The following CNTN5 variants were observed in gnomAD, a reference collection of about 807,000 sequenced individuals.
The protein encoded by CNTN5 is contactin-5.
In CNTN5, 77 loss-of-function variants were observed where a neutral mutation model predicts 129.1. That is an observed-to-expected ratio of 0.60 (90% CI 0.50 to 0.72). The LOEUF (loss-of-function observed/expected upper bound fraction) is 0.72. CNTN5 is among the 30% of genes least tolerant of loss of function. The probability of loss-of-function intolerance (pLI) is 0.00; values close to 1 mark genes in which losing one functional copy is unlikely to be tolerated. For missense variants in CNTN5, 1,478 were observed against 1,328.8 expected (o/e 1.11, Z -1.75); for synonymous variants, 509 against 465.6 (o/e 1.09, Z -1.20).
At chr11:99,795,588 C>CT (rs35521565) in intron 3 of CNTN5, among the ~76,000 whole-genome samples, 25,373 of 143,066 alleles carry the variant, frequency 0.18, 3,360 homozygotes, top group African/African-American at 0.38. Flanking sequence ...TCCTTTAGAT[C>CT]TTTTTTTTTT....
intron 1 of CNTN5, among the ~76,000 whole-genome samples, chr11:99,197,865 A>G (rs1233556616): frequency 6.6e-6 from 1 of 152,146 alleles, no homozygotes; most frequent in Non-Finnish European, 1.5e-5. Flanking sequence ...AACAGTAGAG[A>G]TAATTATAAA....
intron 1 of CNTN5, among the ~76,000 whole-genome samples, chr11:99,115,973 AAT>A (rs1371079349): frequency 6.6e-6 from 1 of 152,182 alleles, no homozygotes; most frequent in African/African-American, 2.4e-5. Context: ...TTGGTGAAAA[AAT>A]ATGTTTCTGA....
At chr11:99,044,355 C>T (rs550016933) in intron 1 of CNTN5, among the ~76,000 whole-genome samples, 3 of 152,196 alleles carry the variant, frequency 2.0e-5, no homozygotes, top group South Asian at 2.1e-4. Context: ...TATTTTGGTA[C>T]GAAAATGTGA....
chr11:100,031,411 C>T (rs570374118), intron 9 of CNTN5, among the ~76,000 whole-genome samples: 1 of 152,204 alleles, frequency 6.6e-6, no homozygotes, highest in South Asian at 2.1e-4. Context: ...CCCAGAAAAG[C>T]AGATGTTCAT....
chr11:100,332,420 G>T (rs1409842948), intron 21 of CNTN5, among the ~76,000 whole-genome samples: 40 of 152,110 alleles, frequency 2.6e-4, no homozygotes, highest in Admixed American at 2.6e-3. Flanking sequence ...AGAAGAATTG[G>T]TACCAATTCT....
chr11:99,425,158 G>T (rs916212528), intron 2 of CNTN5, among the ~76,000 whole-genome samples: 2 of 152,134 alleles, frequency 1.3e-5, no homozygotes, highest in Non-Finnish European at 2.9e-5. Context: ...GAGCTCCTAA[G>T]GGAAAAATTG....
At chr11:99,102,404 C>T (rs12270703) in intron 1 of CNTN5, among the ~76,000 whole-genome samples, 71,681 of 151,930 alleles carry the variant, frequency 0.47, 17,103 homozygotes, top group East Asian at 0.6. Flanking sequence ...TCTTTTTTAC[C>T]ACATCATCAG....
chr11:99,925,718 G>GT (rs944733447), intron 7 of CNTN5, among the ~76,000 whole-genome samples: 156 of 148,742 alleles, frequency 1.0e-3, no homozygotes, highest in African/African-American at 2.4e-3. Context: ...TGTTTTGTGG[G>GT]TTTTTTTTTT....
At chr11:100,160,001 C>A (rs1400845415) in intron 13 of CNTN5, among the ~76,000 whole-genome samples, 5 of 151,816 alleles carry the variant, frequency 3.3e-5, no homozygotes, top group Non-Finnish European at 7.4e-5. Flanking sequence ...CATAGGTATA[C>A]ACGTGCCATG....
chr11:100,304,636 G>T (rs1240711168), intron 20 of CNTN5, among the ~76,000 whole-genome samples: 1 of 151,580 alleles, frequency 6.6e-6, no homozygotes, highest in Non-Finnish European at 1.5e-5. Flanking sequence ...TAGATGTGGA[G>T]TGGCAAGGGG....
chr11:99,137,086 A>G (rs1217543231), intron 1 of CNTN5, among the ~76,000 whole-genome samples: 3 of 152,160 alleles, frequency 2.0e-5, no homozygotes, highest in African/African-American at 7.2e-5. Flanking sequence ...CTATATAACC[A>G]TTGTATAGAA....
rs76533459 is a variant in CNTN5, at chr11:100,109,614, T to C, written c.1580+35320T>C. 2.6e-3 allele frequency among the ~76,000 whole-genome samples: 396 copies of C among 152,326 alleles called. 2 individuals are homozygous for C. Among genetic ancestry groups the C allele is most frequent in the African/African-American group, 9.2e-3 (383 of 41,576 alleles). ...TGTTAATGAGAGAGAAAAAAATTGT[T>C]CTTATTTCAACATATACTTCAGATA... On this transcript the variant is annotated intron_variant, in intron 13 of 24. Coordinates refer to ENST00000524871, the MANE Select transcript of CNTN5 (RefSeq NM_014361.4).
At chr11:100,135,993 T>C (rs1946510854) in intron 13 of CNTN5, among the ~76,000 whole-genome samples, 1 of 152,160 alleles carries the variant, frequency 6.6e-6, no homozygotes, top group South Asian at 2.1e-4. Flanking sequence ...TTTGTCACCA[T>C]TATCTGGAAG....
chr11:99,470,380 G>A (rs35466561), intron 2 of CNTN5, among the ~76,000 whole-genome samples: 2,293 of 152,068 alleles, frequency 0.015, 17 homozygotes, highest in Non-Finnish European at 0.022. Flanking sequence ...TAAAAATAAT[G>A]TTCATTTTCT....
chr11:100,337,160 A>G, intron 21 of CNTN5: 3 of 1,438,464 alleles, frequency 2.1e-6, no homozygotes, highest in Non-Finnish European at 2.9e-6. Flanking sequence ...GCACCCATGA[A>G]TGTTCACCAG....
At chr11:100,016,765 T>C (rs946938345) in intron 9 of CNTN5, among the ~76,000 whole-genome samples, 2 of 151,948 alleles carry the variant, frequency 1.3e-5, no homozygotes, top group African/African-American at 4.8e-5. Context: ...AGAAAGACTA[T>C]TGAGAATGAA....
At chr11:99,151,938 G>A (rs1860077229) in intron 1 of CNTN5, among the ~76,000 whole-genome samples, 1 of 152,078 alleles carries the variant, frequency 6.6e-6, no homozygotes, top group Non-Finnish European at 1.5e-5. Context: ...GTTGATGGGT[G>A]CAGCAAACCC....
At chr11:99,189,092 C>T (rs1400635334) in intron 1 of CNTN5, among the ~76,000 whole-genome samples, 1 of 151,634 alleles carries the variant, frequency 6.6e-6, no homozygotes, top group Non-Finnish European at 1.5e-5. Flanking sequence ...TGGTATTCAT[C>T]TTTCTGTGCT....
intron 21 of CNTN5, among the ~76,000 whole-genome samples, chr11:100,312,158 T>A (rs1201326076): frequency 6.6e-6 from 1 of 152,056 alleles, no homozygotes; most frequent in Admixed American, 6.6e-5. Flanking sequence ...AAAATCAACA[T>A]CTCATTAATT....
Sources: allele counts gnomAD v4.1 joint callset (sites outside exome capture counted in the v4.1 genomes callset), GRCh38; gene constraint gnomAD v4.1.1; transcripts MANE v1.5; gene names NCBI Gene and HGNC (gene_info 2026-07-23, HGNC 2026-07-21).